Variants in NPAS3 observed in about 807,000 individuals in gnomAD.
NPAS3 encodes the protein neuronal PAS domain protein 3, also known as neuronal PAS domain-containing protein 3.
In NPAS3, 14 loss-of-function variants were observed where a neutral mutation model predicts 73.1. The observed-to-expected ratio is 0.19, with a 90% CI of 0.13 to 0.30. The LOEUF (loss-of-function observed/expected upper bound fraction) is 0.30, where lower values mean the gene tolerates loss of function less well. Ranked by LOEUF, NPAS3 falls within the 10% of genes least tolerant of loss-of-function variation. The pLI is 1.00. For missense variants in NPAS3, 1,096 were observed against 1,250.0 expected (o/e 0.88, Z 1.86); for synonymous variants, 620 against 541.5 (o/e 1.14, Z -2.01).
At chr14:33,267,727 T>C (rs1305402260) in intron 3 of NPAS3, among the ~76,000 whole-genome samples, 5 of 152,216 alleles carry the variant, frequency 3.3e-5, no homozygotes, top group Admixed American at 1.3e-4. Flanking sequence ...CTGACTAGAT[T>C]GTAACCACCT....
intron 1 of NPAS3, among the ~76,000 whole-genome samples, chr14:32,964,594 A>G (rs765182043): frequency 8.5e-5 from 13 of 152,256 alleles, no homozygotes; most frequent in Admixed American, 2.6e-4. Context: ...GATTTAATAG[A>G]TACATCTGTT....
rs559019233 is a variant in NPAS3, at chr14:33,689,651, C to T, written c.733+13266C>T. Among the ~76,000 whole-genome samples, 11 of 152,318 alleles carry T rather than the reference C, an allele frequency of 7.2e-5. No individual in the cohort carries two copies. The South Asian group carries it at 2.3e-3, about 32-fold the overall frequency. On this transcript the variant is annotated intron_variant, in intron 6 of 11. Transcript: ENST00000356141. ...ACACACATACACCCTACATGAGGCC[C>T]TTTCGTAGACTCCACTGAAGAGGAA... is the stretch of plus-strand genomic sequence containing the variant.
chr14:33,125,592 C>A (rs1021846934), intron 2 of NPAS3, among the ~76,000 whole-genome samples: 1 of 152,026 alleles, frequency 6.6e-6, no homozygotes, highest in Non-Finnish European at 1.5e-5. Flanking sequence ...CCATAGAAAT[C>A]CTTTTAAGAA....
chr14:33,133,391 TC>T (rs1333962321), intron 2 of NPAS3, among the ~76,000 whole-genome samples: 4 of 152,180 alleles, frequency 2.6e-5, no homozygotes, highest in Non-Finnish European at 5.9e-5. Flanking sequence ...GCAAGGCTTT[TC>T]CCTTTTTAAA....
chr14:33,149,152 A>G (rs1595553784), intron 2 of NPAS3, among the ~76,000 whole-genome samples: 1 of 152,208 alleles, frequency 6.6e-6, no homozygotes, highest in East Asian at 1.9e-4. Context: ...TGTGACATGA[A>G]TAACAGACTT....
chr14:33,664,091 A>C (rs2140286557), intron 5 of NPAS3, among the ~76,000 whole-genome samples: 1 of 151,794 alleles, frequency 6.6e-6, no homozygotes, highest in East Asian at 1.9e-4. Context: ...ACAAAGCTGG[A>C]GACATCATGC....
At chr14:33,066,665 G>T (rs2041292080) in intron 2 of NPAS3, among the ~76,000 whole-genome samples, 3 of 152,260 alleles carry the variant, frequency 2.0e-5, no homozygotes, top group Non-Finnish European at 4.4e-5. Context: ...TCCTGAGAAT[G>T]CAAGACTCTG....
chr14:33,680,295 C>CAAAT (rs1342634296), intron 6 of NPAS3, among the ~76,000 whole-genome samples: 1 of 152,166 alleles, frequency 6.6e-6, no homozygotes, highest in Non-Finnish European at 1.5e-5. Context: ...ATGTTGAAGG[C>CAAAT]AAATAGTAAT....
rs151282965 is a variant in NPAS3, at chr14:33,453,870, A to G, written c.468+86602A>G. 3.0e-3 allele frequency among the ~76,000 whole-genome samples: 456 copies of G among 152,206 alleles called. 1 individual carries two copies. The highest frequency in any genetic ancestry group is 0.017 in the Middle Eastern group (5 of 294). ...GCTTCCTTTGTTTGTTTGTTTTGTT[A>G]GTAGAGATGGGGATTCACCACGTTA... On this transcript the variant is annotated intron_variant, in intron 4 of 11. Transcript: ENST00000356141.
At chr14:32,984,417 A>G (rs2038018127) in intron 1 of NPAS3, among the ~76,000 whole-genome samples, 1 of 152,232 alleles carries the variant, frequency 6.6e-6, no homozygotes, top group Admixed American at 6.5e-5. Flanking sequence ...TGGGAAAAAA[A>G]GTAAGAGGGA....
At chr14:33,215,461 T>C (rs191059970) in intron 3 of NPAS3, 35 bp downstream of exon 3, 49 of 1,611,352 alleles carry the variant, frequency 3.0e-5, no homozygotes, top group East Asian at 6.7e-5. Context: ...CTGAATATGA[T>C]GGTCTGTAGG....
At chr14:33,215,027 A>ACATTTTCTG (rs550599079) in intron 2 of NPAS3, 155 bp from the exon 3 acceptor site, 30 of 724,166 alleles carry the variant, frequency 4.1e-5, no homozygotes, top group Non-Finnish European at 6.6e-5. Context: ...GCTTTAGTGG[A>ACATTTTCTG]CATTTTCTGG....
chr14:33,096,029 A>C (rs939303833), intron 2 of NPAS3, among the ~76,000 whole-genome samples: 2 of 149,692 alleles, frequency 1.3e-5, no homozygotes, highest in African/African-American at 4.9e-5. Flanking sequence ...TAATTTTGTT[A>C]ATCTAGTGTG....
chr14:33,236,058 TTA>T (rs1478457862), intron 3 of NPAS3, among the ~76,000 whole-genome samples: 6 of 151,996 alleles, frequency 3.9e-5, no homozygotes, highest in Admixed American at 1.3e-4. Flanking sequence ...TTGATTCATC[TTA>T]ATCAGCAGGT....
intron 4 of NPAS3, among the ~76,000 whole-genome samples, chr14:33,419,276 C>A (rs1019312803): frequency 2.8e-4 from 43 of 151,386 alleles, no homozygotes; most frequent in Middle Eastern, 3.4e-3. Context: ...AGAGAAGAGA[C>A]AAAGATAAGA....
At chr14:33,057,090 T>C (rs773977030) in intron 2 of NPAS3, among the ~76,000 whole-genome samples, 3 of 152,170 alleles carry the variant, frequency 2.0e-5, no homozygotes, top group Non-Finnish European at 4.4e-5. Context: ...GAAATTCTGG[T>C]GGCTGTGAAG....
intron 1 of NPAS3, among the ~76,000 whole-genome samples, chr14:33,049,389 T>G (rs2040623503): frequency 6.6e-6 from 1 of 152,094 alleles, no homozygotes; most frequent in Non-Finnish European, 1.5e-5. Flanking sequence ...ACTGGGCAAT[T>G]TACAAAGGAA....
intron 1 of NPAS3, among the ~76,000 whole-genome samples, chr14:32,941,167 C>T (rs563566083): frequency 1.3e-5 from 2 of 150,720 alleles, no homozygotes; most frequent in Admixed American, 6.6e-5. Context: ...TTTTTGAAAT[C>T]TGAGGTTTAT....
chr14:33,381,722 T>TG (rs1223057727), intron 4 of NPAS3, among the ~76,000 whole-genome samples: 14 of 152,228 alleles, frequency 9.2e-5, no homozygotes, highest in African/African-American at 3.1e-4. Flanking sequence ...GTGACATACT[T>TG]TAAGCTGTGG....
Sources: gnomAD v4.1 joint callset for allele counts (sites outside exome capture counted in the v4.1 genomes callset) on GRCh38, gnomAD v4.1.1 for gene constraint, MANE v1.5 for transcripts, NCBI Gene and HGNC (gene_info 2026-07-23, HGNC 2026-07-21) for gene names.